PRKCB: variants seen among roughly 807,000 people sequenced by gnomAD.
PRKCB encodes protein kinase C beta type.
PRKCB carries 13 observed loss-of-function variants against 81.5 expected under a neutral mutation model. The ratio of observed to expected loss-of-function variants is 0.16; its 90% CI spans 0.10 to 0.25. The LOEUF (loss-of-function observed/expected upper bound fraction) is 0.25, where lower values mean the gene tolerates loss of function less well. PRKCB is among the 10% of genes least tolerant of loss of function. The pLI is 1.00. For missense variants in PRKCB, 509 were observed against 875.7 expected, an observed-to-expected ratio of 0.58 and a Z score of 5.29; for synonymous variants, 335 against 321.4, an observed-to-expected ratio of 1.04 and a Z score of -0.45.
intron 2 of PRKCB, among the ~76,000 whole-genome samples, chr16:23,903,360 AG>A (rs1168443264): frequency 6.6e-6 from 1 of 152,048 alleles, no homozygotes; most frequent in Non-Finnish European, 1.5e-5. Flanking sequence ...GTATGGAGAC[AG>A]GTCTGCTCCG....
chr16:23,896,594 T>C (rs1309894327), intron 2 of PRKCB, among the ~76,000 whole-genome samples: 3 of 152,156 alleles, frequency 2.0e-5, no homozygotes, highest in African/African-American at 4.8e-5. Flanking sequence ...GGGATGCTTT[T>C]TGTGAAGGTG....
chr16:24,154,976 A>G, intron 10 of PRKCB, 119 bp downstream of exon 10: 2 of 1,225,874 alleles, frequency 1.6e-6, no homozygotes, highest in Non-Finnish European at 2.2e-6. Context: ...TAGACACAGA[A>G]AGATGTAAGG....
intron 9 of PRKCB, among the ~76,000 whole-genome samples, chr16:24,135,310 C>CTTTT (rs33975464): frequency 0.07 from 7,864 of 111,932 alleles, 297 homozygotes; most frequent in African/African-American, 0.12. Context: ...CTCAGTGTCC[C>CTTTT]TTTTTTTTTT....
At chr16:24,021,072 C>CTTCTTTCTTTCTTTCTTTCTTTCT (rs1555491074) in intron 3 of PRKCB, among the ~76,000 whole-genome samples, 2 of 94,372 alleles carry the variant, frequency 2.1e-5, no homozygotes, top group East Asian at 3.0e-4. Context: ...CCCTCCCTCC[C>CTTCTTTCTTTCTTTCTTTCTTTCT]TTCTTTCTTT....
chr16:24,083,049 A>G (rs1443006616), intron 5 of PRKCB, among the ~76,000 whole-genome samples: 2 of 152,224 alleles, frequency 1.3e-5, no homozygotes, highest in African/African-American at 4.8e-5. Context: ...TTACCAAATA[A>G]TACAAGGATG....
intron 16 of PRKCB, among the ~76,000 whole-genome samples, chr16:24,212,095 C>T (rs62028468): frequency 0.012 from 1,765 of 152,216 alleles, 15 homozygotes; most frequent in Admixed American, 0.017. Context: ...GATCCTTTTT[C>T]GGCAACTCTC....
intron 7 of PRKCB, among the ~76,000 whole-genome samples, chr16:24,104,834 A>G (rs1425825833): frequency 6.6e-6 from 1 of 152,138 alleles, no homozygotes; most frequent in African/African-American, 2.4e-5. Flanking sequence ...CTTGGAGGAT[A>G]TGGGGAGAGG....
intron 2 of PRKCB, among the ~76,000 whole-genome samples, chr16:23,864,440 A>G (rs2141092985): frequency 6.6e-6 from 1 of 152,328 alleles, no homozygotes; most frequent in Admixed American, 6.5e-5. Context: ...AGAAAAATTT[A>G]TTGAGCTCCT....
chr16:24,181,975 C>T (rs1369424782), intron 13 of PRKCB, among the ~76,000 whole-genome samples: 2 of 152,028 alleles, frequency 1.3e-5, no homozygotes, highest in East Asian at 3.9e-4. Flanking sequence ...TTTCTGTATA[C>T]TGCTGACATT....
intron 10 of PRKCB, among the ~76,000 whole-genome samples, chr16:24,162,904 AAAG>A (rs202068147): frequency 0.021 from 3,175 of 152,310 alleles, 95 homozygotes; most frequent in African/African-American, 0.072. Context: ...ACCCAAAGAC[AAAG>A]GTGTACCTGG....
In PRKCB at chr16:24,046,265, G is replaced by C. The variant is rs149772257; in HGVS notation, c.529+10718G>C. On this transcript the variant is annotated intron_variant, in intron 5 of 16. Transcript: ENST00000643927. ...TTACAAAGGTTTTGCATGGGCTTTG[G>C]AGTCAGGCCTGGGTTTGAATCCTGC... Among the ~76,000 whole-genome samples the C allele has an allele frequency of 1.8e-3, 281 of 152,344 alleles. 3 individuals are homozygous for C. The highest frequency in any genetic ancestry group is 6.2e-3 in the African/African-American group (256 of 41,572).
At chr16:24,068,612 C>T (rs1966070489) in intron 5 of PRKCB, among the ~76,000 whole-genome samples, 1 of 151,704 alleles carries the variant, frequency 6.6e-6, no homozygotes, top group Admixed American at 6.6e-5. Context: ...TTTATCATTG[C>T]CCCAAGTGGT....
chr16:24,119,376 C>T (rs762464151), intron 8 of PRKCB, among the ~76,000 whole-genome samples: 45 of 152,064 alleles, frequency 3.0e-4, no homozygotes, highest in Non-Finnish European at 1.5e-4. Context: ...CTGTCCACTA[C>T]GCAAAGTCAA....
chr16:24,143,427 C>T (rs1003611530), intron 9 of PRKCB, among the ~76,000 whole-genome samples: 10 of 151,950 alleles, frequency 6.6e-5, no homozygotes, highest in Non-Finnish European at 1.0e-4. Context: ...TCACCGTGCC[C>T]GGCCGAGATA....
intron 2 of PRKCB, among the ~76,000 whole-genome samples, chr16:23,869,545 A>C (rs1962868081): frequency 6.6e-6 from 1 of 152,148 alleles, no homozygotes; most frequent in African/African-American, 2.4e-5. Context: ...ATTCCATTCT[A>C]ACTTACATCA....
chr16:24,189,641 CAAAAAA>C (rs10605364), intron 15 of PRKCB, among the ~76,000 whole-genome samples: 12 of 83,332 alleles, frequency 1.4e-4, no homozygotes, highest in Non-Finnish European at 2.9e-4. Context: ...GACTCCGTCT[CAAAAAA>C]AAAAAAAAAA....
intron 2 of PRKCB, among the ~76,000 whole-genome samples, chr16:23,968,687 A>G (rs1172399775): frequency 2.6e-5 from 4 of 152,166 alleles, no homozygotes; most frequent in Non-Finnish European, 5.9e-5. Context: ...ATCAGAGAGA[A>G]AAAAATGGAT....
chr16:24,082,378 A>G (rs1274717145), intron 5 of PRKCB, among the ~76,000 whole-genome samples: 1 of 152,230 alleles, frequency 6.6e-6, no homozygotes, highest in African/African-American at 2.4e-5. Context: ...CTTGTATAGA[A>G]GGGCAGTGAA....
chr16:24,071,353 T>C (rs1596536422), intron 5 of PRKCB, among the ~76,000 whole-genome samples: 1 of 147,232 alleles, frequency 6.8e-6, no homozygotes. Flanking sequence ...TCTGTAATCC[T>C]AGCACTTTGA....
Sources: gnomAD v4.1 joint callset for allele counts (sites outside exome capture counted in the v4.1 genomes callset) on GRCh38, gnomAD v4.1.1 for gene constraint, MANE v1.5 for transcripts, NCBI Gene and HGNC (gene_info 2026-07-23, HGNC 2026-07-21) for gene names.